GRM3: variants seen among roughly 807,000 people sequenced by gnomAD.
GRM3 encodes the protein glutamate metabotropic receptor 3.
A neutral mutation model predicts 70.5 loss-of-function variants in GRM3; 26 were observed. That is an observed-to-expected ratio of 0.37 (90% CI 0.27 to 0.51). The LOEUF (loss-of-function observed/expected upper bound fraction) is 0.51, where lower values mean the gene tolerates loss of function less well. Ranked by LOEUF, GRM3 falls within the 20% of genes least tolerant of loss-of-function variation. GRM3 has a pLI of 0.93. For synonymous variants in GRM3, 443 were observed against 434.9 expected, an observed-to-expected ratio of 1.02 and a Z score of -0.23; for missense variants, 859 against 1,123.8, an observed-to-expected ratio of 0.76 and a Z score of 3.37.
At chr7:86,709,565 C>CG (rs549240266) in intron 1 of GRM3, among the ~76,000 whole-genome samples, 127 of 152,028 alleles carry the variant, frequency 8.4e-4, no homozygotes, top group Middle Eastern at 3.4e-3. Flanking sequence ...GTGGTACCTT[C>CG]GGGGGGGTGG....
At chr7:86,803,432 A>G (rs1044236961) in intron 3 of GRM3, among the ~76,000 whole-genome samples, 4 of 152,144 alleles carry the variant, frequency 2.6e-5, no homozygotes, top group Non-Finnish European at 5.9e-5. Flanking sequence ...AATTAATCCA[A>G]TGGCTAAACT....
intron 4 of GRM3, among the ~76,000 whole-genome samples, chr7:86,849,856 A>G (rs897234938): frequency 3.0e-4 from 45 of 152,278 alleles, no homozygotes; most frequent in Admixed American, 1.5e-3. Flanking sequence ...GATCCCCAAC[A>G]AAGAATAGGG....
chr7:86,852,020 T>C (rs1798764096), intron 5 of GRM3, among the ~76,000 whole-genome samples: 1 of 152,140 alleles, frequency 6.6e-6, no homozygotes, highest in Non-Finnish European at 1.5e-5. Flanking sequence ...ATGTGTGTGC[T>C]GTCTTATTCA....
rs377100951 is a variant in GRM3, at chr7:86,809,414, G to C, written c.1324+22298G>C. Among the ~76,000 whole-genome samples the C allele has an allele frequency of 1.2e-4, 18 of 152,084 alleles. 1 individual carries two copies. The highest frequency in any genetic ancestry group is 4.3e-4 in the African/African-American group (18 of 41,522). ...TATTTGCTGAGCCCTGAATGTCATGGTGATAATAGGATATTATTCTCTGTG... is the reference window on the plus strand; with the variant it reads ...TATTTGCTGAGCCCTGAATGTCATGCTGATAATAGGATATTATTCTCTGTG... On this transcript the variant is annotated intron_variant, in intron 3 of 5. Transcript: ENST00000361669.
intron 4 of GRM3, among the ~76,000 whole-genome samples, chr7:86,849,803 C>G (rs941322826): frequency 2.0e-5 from 3 of 151,992 alleles, no homozygotes; most frequent in Non-Finnish European, 2.9e-5. Flanking sequence ...TCCAGAGATG[C>G]CAATAAGCAA....
At chr7:86,806,957 T>C (rs1038017820) in intron 3 of GRM3, among the ~76,000 whole-genome samples, 6 of 148,660 alleles carry the variant, frequency 4.0e-5, no homozygotes, top group African/African-American at 1.5e-4. Context: ...TTCAGCTTTC[T>C]ACATATGGCT....
At chr7:86,842,980 G>A (rs145183924) in intron 4 of GRM3, among the ~76,000 whole-genome samples, 85 of 152,216 alleles carry the variant, frequency 5.6e-4, no homozygotes, top group Non-Finnish European at 7.1e-4. Flanking sequence ...GACAGGACAG[G>A]AAAGAACCAA....
chr7:86,767,089 G>T (rs1029082177), intron 2 of GRM3, among the ~76,000 whole-genome samples: 1 of 151,970 alleles, frequency 6.6e-6, no homozygotes, highest in African/African-American at 2.4e-5. Context: ...GGACACACCT[G>T]TGTTCCCAGA....
chr7:86,832,245 C>CTTT (rs371453726), intron 3 of GRM3, among the ~76,000 whole-genome samples: 37 of 112,322 alleles, frequency 3.3e-4, no homozygotes, highest in African/African-American at 6.6e-4. Context: ...TGCTTGTAGC[C>CTTT]TTTTTTTTTT....
chr7:86,787,167 A>T, intron 3 of GRM3, 51 bp downstream of exon 3: 1 of 1,453,920 alleles, frequency 6.9e-7, no homozygotes, highest in Non-Finnish European at 9.4e-7. Context: ...AGTGAAATAA[A>T]ATAGGAATCA....
intron 1 of GRM3, among the ~76,000 whole-genome samples, chr7:86,688,813 A>G (rs1794628309): frequency 3.4e-5 from 5 of 146,234 alleles, no homozygotes; most frequent in Admixed American, 2.7e-4. Flanking sequence ...TCTCACACAT[A>G]TGATATATAT....
intron 1 of GRM3, among the ~76,000 whole-genome samples, chr7:86,729,494 A>T (rs999567340): frequency 6.6e-5 from 10 of 152,362 alleles, no homozygotes; most frequent in South Asian, 2.1e-4. Flanking sequence ...TTCCAAACAC[A>T]TTCTTTACTA....
At chr7:86,770,353 C>T (rs780658027) in intron 2 of GRM3, among the ~76,000 whole-genome samples, 7 of 152,036 alleles carry the variant, frequency 4.6e-5, no homozygotes, top group Non-Finnish European at 1.0e-4. Context: ...TATCTCTTTC[C>T]CATCCCTGGT....
chr7:86,696,270 C>T (rs1396020589), intron 1 of GRM3, among the ~76,000 whole-genome samples: 1 of 152,220 alleles, frequency 6.6e-6, no homozygotes, highest in East Asian at 1.9e-4. Flanking sequence ...GAGATTATCC[C>T]GCATTATCCA....
chr7:86,825,712 G>A (rs935963506), intron 3 of GRM3, among the ~76,000 whole-genome samples: 1 of 152,158 alleles, frequency 6.6e-6, no homozygotes, highest in Non-Finnish European at 1.5e-5. Context: ...AAATTTTCCT[G>A]TTCTGCTTCT....
At chr7:86,697,875 G>C (rs1006851660) in intron 1 of GRM3, among the ~76,000 whole-genome samples, 2 of 152,092 alleles carry the variant, frequency 1.3e-5, no homozygotes, top group Non-Finnish European at 2.9e-5. Context: ...GAAAAGCAAG[G>C]AACTGACGTG....
intron 1 of GRM3, among the ~76,000 whole-genome samples, chr7:86,743,929 A>T (rs1193101234): frequency 1.3e-5 from 2 of 152,168 alleles, no homozygotes; most frequent in Non-Finnish European, 1.5e-5. Context: ...GAAAGGTTTT[A>T]TATCCTTTAC....
At chr7:86,732,009 T>C (rs1436042027) in intron 1 of GRM3, among the ~76,000 whole-genome samples, 1 of 152,220 alleles carries the variant, frequency 6.6e-6, no homozygotes, top group Non-Finnish European at 1.5e-5. Flanking sequence ...TGAGGATTGG[T>C]AATTTATAAA....
intron 1 of GRM3, among the ~76,000 whole-genome samples, chr7:86,704,229 T>G (rs542432240): frequency 1.3e-5 from 2 of 152,098 alleles, no homozygotes; most frequent in East Asian, 3.9e-4. Context: ...AAACTAAGTC[T>G]CTTCTTTATA....
Sources: gnomAD v4.1 joint callset for allele counts (sites outside exome capture counted in the v4.1 genomes callset) on GRCh38, gnomAD v4.1.1 for gene constraint, MANE v1.5 for transcripts, NCBI Gene and HGNC (gene_info 2026-07-23, HGNC 2026-07-21) for gene names.